The following ADCY9 variants were observed in gnomAD, a reference collection of about 807,000 sequenced individuals.
ADCY9 encodes the protein adenylate cyclase 9.
ADCY9 carries 50 observed loss-of-function variants against 101.5 expected under a neutral mutation model. The observed-to-expected ratio is 0.49, with a 90% CI of 0.39 to 0.62. ADCY9 has a LOEUF of 0.62. Among genes scored for constraint, ADCY9 ranks in the 20% least tolerant of loss-of-function variants. The pLI is 0.00. For missense variants in ADCY9, 1,662 were observed against 1,800.4 expected (o/e 0.92, Z 1.39); for synonymous variants, 905 against 769.3 (o/e 1.18, Z -2.92).
chr16:4,035,663 T>C (rs1023204693), intron 2 of ADCY9, among the ~76,000 whole-genome samples: 1 of 152,114 alleles, frequency 6.6e-6, no homozygotes, highest in African/African-American at 2.4e-5. Flanking sequence ...AATTTCGCTT[T>C]GTTTCATGCT....
At chr16:3,995,258 C>G (rs1004809143) in intron 3 of ADCY9, among the ~76,000 whole-genome samples, 1 of 151,870 alleles carries the variant, frequency 6.6e-6, no homozygotes, top group Admixed American at 6.6e-5. Flanking sequence ...CAAAACCCTG[C>G]CTCAACAAAA....
At chr16:4,000,312 G>A (rs2056320747) in intron 3 of ADCY9, among the ~76,000 whole-genome samples, 1 of 152,208 alleles carries the variant, frequency 6.6e-6, no homozygotes, top group African/African-American at 2.4e-5. Context: ...ACACGGTACG[G>A]TCGGAACCGC....
intron 2 of ADCY9, among the ~76,000 whole-genome samples, chr16:4,029,805 A>C (rs1443683435): frequency 6.6e-6 from 1 of 152,198 alleles, no homozygotes; most frequent in African/African-American, 2.4e-5. Context: ...CAGACCACTC[A>C]GTAGAAAAAT....
At chr16:3,994,687 A>C (rs554592080) in intron 3 of ADCY9, among the ~76,000 whole-genome samples, 4 of 152,242 alleles carry the variant, frequency 2.6e-5, no homozygotes, top group South Asian at 4.1e-4. Flanking sequence ...TGAACTCCTG[A>C]CCTCAGGTGA....
At chr16:4,089,442 T>C (rs974229006) in intron 2 of ADCY9, among the ~76,000 whole-genome samples, 2 of 152,054 alleles carry the variant, frequency 1.3e-5, no homozygotes, top group Non-Finnish European at 2.9e-5. Flanking sequence ...CTACGTTTTG[T>C]TGATGTGTTA....
In ADCY9 at chr16:4,116,424, T is replaced by A. The variant is rs1401545166; in HGVS notation, c.-778A>T. Among the ~76,000 whole-genome samples the A allele has an allele frequency of 2.1e-5, 3 of 145,140 alleles. No individual in the cohort carries two copies. Among genetic ancestry groups the A allele is most frequent in the Admixed American group, 2.0e-4 (3 of 14,706 alleles). On this transcript the variant is annotated 5_prime_UTR_variant, in exon 1 of 11. Transcript: ENST00000294016. ...TGCCGCCGCCACCATCTCCGGCCCC[T>A]GCCCCGCCCGCTGTCACTGACAGAC... is the stretch of plus-strand genomic sequence containing the variant.
intron 2 of ADCY9, among the ~76,000 whole-genome samples, chr16:4,052,281 T>C (rs1357923346): frequency 6.6e-6 from 1 of 152,232 alleles, no homozygotes; most frequent in East Asian, 1.9e-4. Context: ...CCTGTGGTCC[T>C]GGGCGGGCTC....
At chr16:3,969,609 T>TATATATATAC (rs1321798408) in intron 10 of ADCY9, among the ~76,000 whole-genome samples, 28 of 94,876 alleles carry the variant, frequency 3.0e-4, no homozygotes, top group African/African-American at 1.1e-3. Context: ...TATATATATA[T>TATATATATAC]GTATTTTTTT....
intron 2 of ADCY9, among the ~76,000 whole-genome samples, chr16:4,081,686 C>T (rs2056903281): frequency 6.6e-6 from 1 of 151,182 alleles, no homozygotes; most frequent in African/African-American, 2.4e-5. Flanking sequence ...TGCGGGGAGC[C>T]CCCAGGGTGC....
At chr16:4,110,094 C>A (rs1597233592) in intron 2 of ADCY9, among the ~76,000 whole-genome samples, 1 of 152,184 alleles carries the variant, frequency 6.6e-6, no homozygotes, top group African/African-American at 2.4e-5. Flanking sequence ...CTAAAGCGCT[C>A]CCCACTCCCG....
At chr16:4,098,248 T>G (rs199692072) in intron 2 of ADCY9, among the ~76,000 whole-genome samples, 1 of 145,966 alleles carries the variant, frequency 6.9e-6, no homozygotes, top group African/African-American at 2.5e-5. Flanking sequence ...TTGTTTTTGG[T>G]TTTTTTTTTT....
At chr16:3,980,394 T>G (rs1308764126) in intron 7 of ADCY9, among the ~76,000 whole-genome samples, 1 of 152,090 alleles carries the variant, frequency 6.6e-6, no homozygotes, top group Non-Finnish European at 1.5e-5. Flanking sequence ...TGGGGCCACA[T>G]GGGGAGGTGA....
intron 5 of ADCY9, among the ~76,000 whole-genome samples, chr16:3,991,100 G>T (rs1249236109): frequency 6.6e-6 from 1 of 152,050 alleles, no homozygotes; most frequent in Non-Finnish European, 1.5e-5. Flanking sequence ...GCGCCTGGCT[G>T]AAAATCACCC....
intron 3 of ADCY9, among the ~76,000 whole-genome samples, chr16:4,003,818 C>T (rs577404131): frequency 1.3e-5 from 2 of 152,068 alleles, no homozygotes; most frequent in Non-Finnish European, 2.9e-5. Flanking sequence ...CTCCCCTCCG[C>T]GACGCTGACA....
intron 2 of ADCY9, among the ~76,000 whole-genome samples, chr16:4,062,360 A>G (rs186434078): frequency 1.5e-3 from 225 of 152,370 alleles, no homozygotes; most frequent in Middle Eastern, 6.8e-3. Flanking sequence ...CAGAGAAAAC[A>G]TAGCAAAATG....
chr16:4,085,004 G>T (rs148994540), intron 2 of ADCY9, among the ~76,000 whole-genome samples: 125 of 152,210 alleles, frequency 8.2e-4, no homozygotes, highest in African/African-American at 2.7e-3. Flanking sequence ...TTTACCCATT[G>T]GTGCCTTAGG....
chr16:4,025,572 C>G (rs1040207938), intron 2 of ADCY9, among the ~76,000 whole-genome samples: 3 of 152,124 alleles, frequency 2.0e-5, no homozygotes, highest in African/African-American at 7.2e-5. Flanking sequence ...GTGGAGAAGG[C>G]ACACGCGGTC....
intron 3 of ADCY9, among the ~76,000 whole-genome samples, chr16:4,003,829 G>T (rs1287573387): frequency 6.6e-6 from 1 of 152,052 alleles, no homozygotes; most frequent in Non-Finnish European, 1.5e-5. Context: ...GACGCTGACA[G>T]TGGCGTCCTC....
chr16:4,015,650 T>C (rs1289727470), intron 2 of ADCY9: 1 of 152,210 alleles, frequency 6.6e-6, no homozygotes, highest in Non-Finnish European at 1.5e-5. Context: ...CTCCAATGCT[T>C]GACCTCAGTT....
Sources: allele counts gnomAD v4.1 joint callset (sites outside exome capture counted in the v4.1 genomes callset), GRCh38; gene constraint gnomAD v4.1.1; transcripts MANE v1.5; gene names NCBI Gene and HGNC (gene_info 2026-07-23, HGNC 2026-07-21).